OR2T12: variants seen among roughly 807,000 people sequenced by gnomAD.
OR2T12 encodes the protein olfactory receptor family 2 subfamily T member 12.
For missense variants in OR2T12, 335 were observed against 404.3 expected (o/e 0.83, Z 1.47); for synonymous variants, 127 against 160.5 (o/e 0.79, Z 1.58).
At position 248,295,073 on chromosome 1, in the gene OR2T12, G is replaced by A. The variant is rs760289314; in HGVS notation, c.506C>T (p.Ala169Val). The A allele has an allele frequency of 9.1e-5, 147 of 1,609,020 alleles. No homozygotes were observed. Among genetic ancestry groups the A allele is most frequent in the South Asian group, 7.9e-4 (72 of 90,872 alleles). ...GCAGAAGAAGTGATCGATCTCGTGT[G>A]CACCGCAATATGGGAAGCTCAGGGT... Reference protein sequence around the residue: ...VATLSFPYCGAHEIDHFFCEA... With the variant: ...VATLSFPYCGVHEIDHFFCEA... The change falls in exon 3 of 3, where the codon GCA becomes GTA. Residue 169 changes from alanine to valine, a missense_variant. Coordinates refer to ENST00000641276, the MANE Select transcript of OR2T12 (RefSeq NM_001004692.2).
chr1:248,300,195 A>G (rs1659795438), intron 2 of OR2T12, among the ~76,000 whole-genome samples: 1 of 152,208 alleles, frequency 6.6e-6, no homozygotes, highest in Non-Finnish European at 1.5e-5. Context: ...GATAGTTCCT[A>G]TAACATCAGA....
chr1:248,294,397 G>A lies in OR2T12; in HGVS notation c.*219C>T. 2.0e-6 allele frequency: 1 copy of A among 511,222 alleles called. No homozygotes were observed. The highest frequency in any genetic ancestry group is 3.4e-5 in the East Asian group (1 of 29,066). 31.7% of individuals were successfully genotyped at this position (511,222 alleles called of 1,614,324 possible). ...AAACTTATATCATGGGGTTGTTGTAGGATACAAAGTAATCTATAGGTATTA... is the reference window on the plus strand; with the variant it reads ...AAACTTATATCATGGGGTTGTTGTAAGATACAAAGTAATCTATAGGTATTA... On this transcript the variant is annotated 3_prime_UTR_variant, in exon 3 of 3. Coordinates refer to ENST00000641276, the MANE Select transcript of OR2T12 (RefSeq NM_001004692.2).
intron 2 of OR2T12, among the ~76,000 whole-genome samples, chr1:248,295,838 A>AT (rs954963759): frequency 3.3e-5 from 5 of 150,576 alleles, no homozygotes; most frequent in African/African-American, 9.8e-5. Context: ...ATGAATAAAA[A>AT]TTTTTTTTTT....
Position 248,294,416 on chromosome 1 carries a change from G to C in OR2T12, c.*200C>G. The C allele has an allele frequency of 1.6e-6, 1 of 606,854 alleles. No homozygotes were observed. The highest frequency in any genetic ancestry group is 2.8e-6 in the Non-Finnish European group (1 of 362,738). The allele number at this position is 606,854 out of a possible 1,614,324, so 37.6% of individuals were successfully genotyped here. A position where few individuals can be genotyped will look rare whatever the true frequency, so the allele number is the denominator to read the frequency against. The stretch of plus-strand genomic sequence containing the variant: ...GTTGTAGGATACAAAGTAATCTATA[G>C]GTATTACTTCACTTGAAGAAAAGTA... On this transcript the variant is annotated 3_prime_UTR_variant, in exon 3 of 3. Coordinates refer to ENST00000641276, the MANE Select transcript of OR2T12 (RefSeq NM_001004692.2).
rs779836996 is a variant in OR2T12, at chr1:248,294,814, A to C, written c.765T>G (p.Phe255Leu). Residue 255 changes from phenylalanine to leucine, a missense_variant, in exon 3 of 3, where the codon TTT becomes TTG. Transcript: ENST00000641276. ...TGTGGGATTTGGGTCTCATATAGGT[A>C]AAAATGCCAGCTCCATAAAAGAGTC... ...VVGLFYGAGI[F>L]TYMRPKSHRS... 6.2e-7 allele frequency: 1 copy of C among 1,613,556 alleles called. No homozygotes were observed. Among genetic ancestry groups the C allele is most frequent in the African/African-American group, 1.3e-5 (1 of 74,896 alleles).
chr1:248,292,999 G>A lies in OR2T12; in HGVS notation c.*1617C>T, dbSNP rs1027276279. 18 of 152,056 alleles carry A rather than the reference G, an allele frequency of 1.2e-4. No individual in the cohort carries two copies. The highest frequency in any genetic ancestry group is 5.9e-4 in the Admixed American group (9 of 15,254). 9.4% of individuals were successfully genotyped at this position (152,056 alleles called of 1,614,324 possible). Reference sequence around the variant, plus strand: ...TTTAGATGGTATAATGACAGAATTTGTGCAGTTCTGTTCCTTTCTCACTCT... The same window carrying A: ...TTTAGATGGTATAATGACAGAATTTATGCAGTTCTGTTCCTTTCTCACTCT... On this transcript the variant is annotated 3_prime_UTR_variant, in exon 3 of 3. Coordinates refer to ENST00000641276, the MANE Select transcript of OR2T12 (RefSeq NM_001004692.2).
In OR2T12 at chr1:248,294,875, G is replaced by A. The variant is rs1473776883; in HGVS notation, c.704C>T (p.Ala235Val). 5 of 1,612,282 alleles carry A rather than the reference G, an allele frequency of 3.1e-6. No individual in the cohort carries two copies. The highest frequency in any genetic ancestry group is 4.5e-5 in the East Asian group (2 of 44,888). Residue 235 changes from alanine (A) to valine (V), a missense_variant, in exon 3 of 3, where the codon GCC (alanine) becomes GTC (valine). Transcript: ENST00000641276. ...LMRSTEARKKAFATCSSHVAV... is the reference protein window; with the variant it reads ...LMRSTEARKKVFATCSSHVAV... ...CACATGTGAAGAGCAGGTGGCAAAG[G>A]CCTTCTTGCGGGCTTCTGTAGAGCG...
Position 248,294,375 on chromosome 1 carries a change from CTT to C in OR2T12, c.*239_*240del, listed in dbSNP as rs1659679329. On this transcript the variant is annotated 3_prime_UTR_variant, in exon 3 of 3. Transcript: ENST00000641276. The stretch of plus-strand genomic sequence containing the variant: ...GAGTTTGCAAAAGAAAAAAAGAAAA[CTT>C]ATATCATGGGGTTGTTGTAGGATAC... 9.8e-6 allele frequency: 4 copies of C among 407,294 alleles called. No individual in the cohort carries two copies. The highest frequency in any genetic ancestry group is 5.3e-5 in the South Asian group (1 of 18,994). 25.2% of individuals were successfully genotyped at this position (407,294 alleles called of 1,614,324 possible).
chr1:248,299,012 C>T lies in OR2T12; in HGVS notation c.-9+2361G>A, dbSNP rs201644186. On this transcript the variant is annotated intron_variant, in intron 2 of 2. Coordinates refer to ENST00000641276, the MANE Select transcript of OR2T12 (RefSeq NM_001004692.2). ...ACAGATTTTGTCACCACCAGGCCTG[C>T]CCTAAAAGAGCTCCTGAAGGAAGCA... Among the ~76,000 whole-genome samples, 16 of 152,202 alleles carry T rather than the reference C, an allele frequency of 1.1e-4. No individual in the cohort carries two copies. In the East Asian group the frequency reaches 3.1e-3, roughly 29 times the overall value.
chr1:248,295,646 C>T, intron 2 of OR2T12, 60 bp from the exon 3 acceptor site: 1 of 1,522,904 alleles, frequency 6.6e-7, no homozygotes, highest in South Asian at 1.3e-5. Context: ...GTCTGAATAA[C>T]TGTTTGACTG....
rs556522614 is a variant in OR2T12 at position 248,293,305 on chromosome 1, C to T, written c.*1311G>A. The T allele has an allele frequency of 6.6e-6, 1 of 152,234 alleles. No homozygotes were observed. Among genetic ancestry groups the T allele is most frequent in the African/African-American group, 2.4e-5 (1 of 41,558 alleles). The allele number at this position is 152,234 out of a possible 1,614,324, so 9.4% of individuals were successfully genotyped here. On this transcript the variant is annotated 3_prime_UTR_variant, in exon 3 of 3. Coordinates refer to ENST00000641276, the MANE Select transcript of OR2T12 (RefSeq NM_001004692.2). The stretch of plus-strand genomic sequence containing the variant: ...AGGTTGGTCTGAAATGGCGGGTTAA[C>T]TTTCAGACACTTATATTGAAGATAC...
chr1:248,297,376 T>C (rs1027580771), intron 2 of OR2T12, among the ~76,000 whole-genome samples: 46 of 152,164 alleles, frequency 3.0e-4, no homozygotes, highest in African/African-American at 1.1e-3. Flanking sequence ...AGTAGTTTTT[T>C]CCAATTCTGT....
chr1:248,303,380 A>G lies in OR2T12; in HGVS notation c.-224T>C, dbSNP rs940265622. 6 of 152,150 alleles carry G rather than the reference A, an allele frequency of 3.9e-5. No individual in the cohort carries two copies. Among genetic ancestry groups the G allele is most frequent in the Admixed American group, 2.6e-4 (4 of 15,270 alleles). The allele number at this position is 152,150 out of a possible 1,614,324, so 9.4% of individuals were successfully genotyped here. A position where few individuals can be genotyped will look rare whatever the true frequency, so the allele number is the denominator to read the frequency against. On this transcript the variant is annotated 5_prime_UTR_variant, in exon 1 of 3. Transcript: ENST00000641276. ...CTGATCTGAATAGTGTATATTTTCAATGAGATTGTAGTTTCCTAAAAAGGC... is the reference window on the plus strand; with the variant it reads ...CTGATCTGAATAGTGTATATTTTCAGTGAGATTGTAGTTTCCTAAAAAGGC...
intron 1 of OR2T12, 129 bp downstream of exon 1, chr1:248,303,217 T>G (rs940185946): frequency 6.6e-6 from 1 of 152,128 alleles, no homozygotes; most frequent in African/African-American, 2.4e-5. Context: ...ATTGTACAGA[T>G]AAAATAGAAT....
intron 2 of OR2T12, 105 bp from the exon 3 acceptor site, chr1:248,295,691 C>T (rs961042615): frequency 5.6e-5 from 81 of 1,450,494 alleles, no homozygotes; most frequent in Admixed American, 2.5e-4. Flanking sequence ...GATATGTTAT[C>T]CCAGGTCGTG....
chr1:248,298,085 C>T (rs1245126505), intron 2 of OR2T12, among the ~76,000 whole-genome samples: 1 of 152,022 alleles, frequency 6.6e-6, no homozygotes, highest in East Asian at 1.9e-4. Flanking sequence ...TGTCAAAGGC[C>T]TTTTCTGCAT....
Position 248,295,105 on chromosome 1 carries a change from A to G in OR2T12, c.474T>C (p.Ala158=), listed in dbSNP as rs768827227. Residue 158 remains alanine, a synonymous_variant, in exon 3 of 3, where the codon GCT becomes GCC. Coordinates refer to ENST00000641276, the MANE Select transcript of OR2T12 (RefSeq NM_001004692.2). ...LLGAADGLLQ[A]VATLSFPYCG... Reference sequence around the variant, plus strand: ...AATATGGGAAGCTCAGGGTAGCAACAGCCTGCAGGAGGCCGTCAGCTGCAC... The same window carrying G: ...AATATGGGAAGCTCAGGGTAGCAACGGCCTGCAGGAGGCCGTCAGCTGCAC... 6 of 1,604,444 alleles carry G rather than the reference A, an allele frequency of 3.7e-6. No homozygotes were observed. Among genetic ancestry groups the G allele is most frequent in the South Asian group, 3.3e-5 (3 of 90,896 alleles).
chr1:248,298,551 G>A (rs939375884), intron 2 of OR2T12, among the ~76,000 whole-genome samples: 6 of 151,600 alleles, frequency 4.0e-5, no homozygotes, highest in African/African-American at 1.5e-4. Flanking sequence ...TCTATTCAGA[G>A]ATTCAACTTC....
rs1181940535 is a variant in OR2T12 at position 248,295,219 on chromosome 1, G to A, written c.360C>T (p.Arg120=). 6.2e-7 allele frequency: 1 copy of A among 1,609,724 alleles called. No individual in the cohort carries two copies. Among genetic ancestry groups the A allele is most frequent in the East Asian group, 2.2e-5 (1 of 44,842 alleles). ...CFLLAAMAYD[R]YAAVCHPLRY... ...GGAGTGGGTGGCAGACAGCCGCATAGCGGTCATAGGCCATGGCTGCTAAGA... is the reference window on the plus strand; with the variant it reads ...GGAGTGGGTGGCAGACAGCCGCATAACGGTCATAGGCCATGGCTGCTAAGA... Residue 120 remains arginine (R), a synonymous_variant, in exon 3 of 3, where the codon CGC becomes CGT. Transcript: ENST00000641276.
Sources: gnomAD v4.1 joint callset for allele counts (sites outside exome capture counted in the v4.1 genomes callset) on GRCh38, gnomAD v4.1.1 for gene constraint, MANE v1.5 for transcripts, NCBI Gene and HGNC (gene_info 2026-07-23, HGNC 2026-07-21) for gene names.